ARHGEF28: variants seen among roughly 807,000 people sequenced by gnomAD.
ARHGEF28 encodes the protein Rho guanine nucleotide exchange factor 28.
Under a neutral mutation model 206.6 loss-of-function variants are expected in ARHGEF28, and 152 were observed. The ratio of observed to expected loss-of-function variants is 0.74; its 90% CI spans 0.64 to 0.84. The LOEUF is 0.84. ARHGEF28 is among the 40% of genes least tolerant of loss of function. The pLI, the probability that ARHGEF28 is intolerant of heterozygous loss-of-function variation, is 0.00. For missense variants in ARHGEF28, 2,028 were observed against 2,073.2 expected (o/e 0.98, Z 0.42); for synonymous variants, 763 against 776.4 (o/e 0.98, Z 0.29).
chr5:73,668,817 C>T (rs1198061094), intron 1 of ARHGEF28, among the ~76,000 whole-genome samples: 3 of 152,152 alleles, frequency 2.0e-5, no homozygotes, highest in African/African-American at 4.8e-5. Context: ...TCCACAACTA[C>T]TCTTTCTACC....
chr5:73,858,905 A>G (rs1263821664), intron 16 of ARHGEF28, among the ~76,000 whole-genome samples: 1 of 151,328 alleles, frequency 6.6e-6, no homozygotes, highest in Non-Finnish European at 1.5e-5. Flanking sequence ...CCCCTCCCTT[A>G]CTCCCTCTGC....
chr5:73,696,947 C>T (rs185444020), intron 2 of ARHGEF28, among the ~76,000 whole-genome samples: 6 of 152,218 alleles, frequency 3.9e-5, no homozygotes, highest in Admixed American at 6.5e-5. Flanking sequence ...TTTTTGTATT[C>T]CAGCTGCACG....
chr5:73,919,958 TG>T (rs1209091126), intron 35 of ARHGEF28, among the ~76,000 whole-genome samples: 3 of 152,226 alleles, frequency 2.0e-5, no homozygotes. Flanking sequence ...TCTTGTTAAC[TG>T]CTCTATCACC....
rs1238755162 is a variant in ARHGEF28 at position 73,909,674 on chromosome 5, G to A, written c.4424G>A (p.Arg1475Gln). The change falls in exon 34 of 36, where the codon CGG becomes CAG. Residue 1475 changes from arginine to glutamine, a missense_variant. By Grantham distance (43) the Arg-to-Gln change is conservative. This residue lies in a region of ARHGEF28 where 803 missense variants were observed against 768.0 expected (regional missense o/e 1.05). Coordinates refer to ENST00000513042, the MANE Select transcript of ARHGEF28 (RefSeq NM_001177693.2). ...ACCAGGGAGAGCTGGCTGCAGGAGC[G>A]GGAGCGGGAGTGCCAGTCGCAGGAG... ...QATRESWLQE[R>Q]ERECQSQEEL... is the part of the protein sequence containing the mutation. 5.2e-6 allele frequency: 8 copies of A among 1,540,154 alleles called. No homozygotes were observed. Among genetic ancestry groups the A allele is most frequent in the South Asian group, 1.2e-5 (1 of 83,802 alleles).
intron 13 of ARHGEF28, among the ~76,000 whole-genome samples, chr5:73,852,050 A>G (rs1347398634): frequency 6.6e-6 from 1 of 151,726 alleles, no homozygotes; most frequent in African/African-American, 2.4e-5. Context: ...AAGTATTTCA[A>G]CTCTGGAAAC....
chr5:73,878,783 C>G (rs1245973672), intron 22 of ARHGEF28, among the ~76,000 whole-genome samples: 1 of 150,940 alleles, frequency 6.6e-6, no homozygotes, highest in East Asian at 1.9e-4. Flanking sequence ...AGAGTTTCTG[C>G]CGAGAGATCC....
At chr5:73,924,327 G>A (rs1444092079) in intron 35 of ARHGEF28, among the ~76,000 whole-genome samples, 1 of 152,154 alleles carries the variant, frequency 6.6e-6, no homozygotes, top group Admixed American at 6.5e-5. Flanking sequence ...TTCCAGCTCA[G>A]TCATTTATTA....
chr5:73,637,140 T>A (rs1464625064), intron 1 of ARHGEF28, among the ~76,000 whole-genome samples: 4 of 152,244 alleles, frequency 2.6e-5, no homozygotes, highest in Admixed American at 6.5e-5. Flanking sequence ...TGGGTATTAA[T>A]TTCATTTTAA....
intron 35 of ARHGEF28, among the ~76,000 whole-genome samples, chr5:73,927,566 C>G (rs1158925995): frequency 6.6e-6 from 1 of 152,132 alleles, no homozygotes; most frequent in Non-Finnish European, 1.5e-5. Flanking sequence ...AGTAGGTTGC[C>G]CAGGCTGGCC....
intron 9 of ARHGEF28, among the ~76,000 whole-genome samples, chr5:73,804,378 CA>C (rs1755320559): frequency 6.6e-6 from 1 of 152,142 alleles, no homozygotes; most frequent in Non-Finnish European, 1.5e-5. Flanking sequence ...GGCAACTTCA[CA>C]AAGTAAGAAC....
At chr5:73,781,471 T>C (rs577697860) in intron 7 of ARHGEF28, among the ~76,000 whole-genome samples, 13 of 152,364 alleles carry the variant, frequency 8.5e-5, no homozygotes, top group Middle Eastern at 3.4e-3. Context: ...ATTCCTCATT[T>C]TCCTCAACTT....
chr5:73,928,981 G>C (rs1040909515), intron 35 of ARHGEF28, among the ~76,000 whole-genome samples: 1 of 152,146 alleles, frequency 6.6e-6, no homozygotes, highest in Non-Finnish European at 1.5e-5. Flanking sequence ...TGTCACCCAT[G>C]CTGGAGTGTA....
At chr5:73,654,517 T>C (rs1455075769) in intron 1 of ARHGEF28, among the ~76,000 whole-genome samples, 1 of 152,098 alleles carries the variant, frequency 6.6e-6, no homozygotes, top group Non-Finnish European at 1.5e-5. Flanking sequence ...GGGCTGAAAG[T>C]CTGAAAGTGG....
At chr5:73,692,304 C>A (rs1180536969) in intron 2 of ARHGEF28, among the ~76,000 whole-genome samples, 1 of 152,008 alleles carries the variant, frequency 6.6e-6, no homozygotes, top group Non-Finnish European at 1.5e-5. Flanking sequence ...TGCTCCCTTC[C>A]ACCCTTCTGA....
chr5:73,806,880 A>G (rs997114209), intron 9 of ARHGEF28, among the ~76,000 whole-genome samples: 3 of 146,846 alleles, frequency 2.0e-5, no homozygotes, highest in Non-Finnish European at 3.0e-5. Flanking sequence ...TATTGTATAT[A>G]TTTATATATA....
At chr5:73,873,324 G>A in intron 22 of ARHGEF28, 78 bp downstream of exon 22, 9 of 1,466,410 alleles carry the variant, frequency 6.1e-6, no homozygotes, top group African/African-American at 2.8e-5. Flanking sequence ...ATCAACAAGA[G>A]TAAAAAAAAT....
chr5:73,663,613 GT>G (rs1745762464), intron 1 of ARHGEF28, among the ~76,000 whole-genome samples: 1 of 152,124 alleles, frequency 6.6e-6, no homozygotes, highest in African/African-American at 2.4e-5. Flanking sequence ...TAAACTATTT[GT>G]TTAGCTCTCA....
At chr5:73,813,236 C>T (rs1755950529) in intron 9 of ARHGEF28, among the ~76,000 whole-genome samples, 1 of 152,186 alleles carries the variant, frequency 6.6e-6, no homozygotes, top group Admixed American at 6.5e-5. Flanking sequence ...CTTCCTCCTT[C>T]ATTTCCATTT....
chr5:73,771,874 A>C (rs1753245881), intron 4 of ARHGEF28, among the ~76,000 whole-genome samples: 1 of 152,224 alleles, frequency 6.6e-6, no homozygotes, highest in Admixed American at 6.5e-5. Context: ...CATAAAGCTG[A>C]AGATATCAAG....
Sources: gnomAD v4.1 joint callset for allele counts (sites outside exome capture counted in the v4.1 genomes callset) on GRCh38, gnomAD v4.1.1 for gene constraint, gnomAD v4.1.1 regional missense constraint, MANE v1.5 for transcripts, NCBI Gene and HGNC (gene_info 2026-07-23, HGNC 2026-07-21) for gene names.